Variants in NAALADL2 observed in about 807,000 individuals in gnomAD.
The protein encoded by NAALADL2 is N-acetylated alpha-linked acidic dipeptidase like 2, also known as inactive N-acetylated-alpha-linked acidic dipeptidase-like protein 2.
Under a neutral mutation model 87.2 loss-of-function variants are expected in NAALADL2, and 76 were observed. The observed-to-expected ratio is 0.87, with a 90% CI of 0.72 to 1.05. The LOEUF is 1.05. NAALADL2 is among the 50% of genes least tolerant of loss of function. The probability of loss-of-function intolerance (pLI) is 0.00; values close to 1 mark genes in which losing one functional copy is unlikely to be tolerated. For missense variants in NAALADL2, 1,089 were observed against 945.8 expected (o/e 1.15, Z -1.99); for synonymous variants, 354 against 331.0 (o/e 1.07, Z -0.75).
At chr3:174,716,316 C>T (rs1382274249) in intron 2 of NAALADL2, among the ~76,000 whole-genome samples, 1 of 149,160 alleles carries the variant, frequency 6.7e-6, no homozygotes, top group Admixed American at 6.7e-5. Context: ...ACTGTCACAT[C>T]TAGTACTCAT....
At chr3:175,105,824 C>G (rs1466864096) in intron 2 of NAALADL2, among the ~76,000 whole-genome samples, 1 of 151,812 alleles carries the variant, frequency 6.6e-6, no homozygotes, top group Non-Finnish European at 1.5e-5. Flanking sequence ...GCTAGTCACT[C>G]TATAGTTTTT....
intron 13 of NAALADL2, among the ~76,000 whole-genome samples, chr3:175,787,524 A>G (rs930404075): frequency 6.6e-6 from 1 of 152,160 alleles, no homozygotes; most frequent in Admixed American, 6.5e-5. Flanking sequence ...GAACTCCCTG[A>G]CCCCTTGCGC....
At chr3:175,079,115 T>G (rs1717225543) in intron 1 of NAALADL2, among the ~76,000 whole-genome samples, 1 of 152,254 alleles carries the variant, frequency 6.6e-6, no homozygotes, top group Non-Finnish European at 1.5e-5. Flanking sequence ...TTTTGGTTAT[T>G]ACTACCTTAG....
intron 13 of NAALADL2, among the ~76,000 whole-genome samples, chr3:175,761,177 T>A (rs1747958791): frequency 6.6e-6 from 1 of 152,148 alleles, no homozygotes; most frequent in Non-Finnish European, 1.5e-5. Flanking sequence ...TATAGAATAG[T>A]TTTACTGCCC....
Position 174,741,462 on chromosome 3 carries a change from G to T in NAALADL2, c.-9+3716G>T, listed in dbSNP as rs1252216388. Among the ~76,000 whole-genome samples the T allele has an allele frequency of 3.3e-5, 5 of 151,532 alleles. No homozygotes were observed. In the East Asian group the frequency reaches 9.7e-4, roughly 29 times the overall value. ...TATTTAAATGTAATATACTATTTCA[G>T]GTAGAAATGGTAATTTTTGTATTAT... On this transcript the variant is annotated intron_variant, in intron 3 of 3. Coordinates refer to the NAALADL2 transcript ENST00000434257.
At chr3:175,740,851 C>T (rs1237541852) in intron 12 of NAALADL2, among the ~76,000 whole-genome samples, 1 of 152,138 alleles carries the variant, frequency 6.6e-6, no homozygotes, top group Admixed American at 6.5e-5. Context: ...TGCGGACTCG[C>T]CCTTAATTTT....
intron 3 of NAALADL2, among the ~76,000 whole-genome samples, chr3:174,853,105 CCTGTAATCCCAG>C (rs1268074600): frequency 1.3e-5 from 2 of 149,086 alleles, no homozygotes; most frequent in Non-Finnish European, 1.5e-5. Flanking sequence ...GTGGCTCAAG[CCTGTAATCCCAG>C]CACTGTGGGA....
At chr3:174,542,366 A>G (rs1515584) in intron 1 of NAALADL2, among the ~76,000 whole-genome samples, 151,435 of 152,258 alleles carry the variant, frequency 0.99, 75,308 homozygotes, top group Middle Eastern at 1. Context: ...ATGGGCATGG[A>G]CTCTGCTTAG....
intron 2 of NAALADL2, among the ~76,000 whole-genome samples, chr3:174,625,057 C>CTCTCTCTT (rs748895219): frequency 5.1e-5 from 4 of 78,858 alleles, no homozygotes; most frequent in African/African-American, 2.0e-4. Flanking sequence ...CTCTCTCTCT[C>CTCTCTCTT]TTTTTTTTTT....
intron 13 of NAALADL2, among the ~76,000 whole-genome samples, chr3:175,757,810 TGAG>T (rs1455995439): frequency 1.3e-5 from 2 of 152,020 alleles, no homozygotes; most frequent in African/African-American, 4.8e-5. Context: ...TAATAATTGC[TGAG>T]GAGAAAAATC....
At position 175,556,699 on chromosome 3, in the gene NAALADL2, AG is replaced by A. The variant is rs532408212; in HGVS notation, c.1654-19341del. ...GGGGAATAAAGTTATTTTTGAAAAA[AG>A]TCTCATTTCTCTGAAGTTTAAAAAC... On this transcript the variant is annotated intron_variant, in intron 9 of 13. Transcript: ENST00000454872. 4.9e-3 allele frequency among the ~76,000 whole-genome samples: 745 copies of A among 152,328 alleles called. 5 individuals are homozygous for A. Among genetic ancestry groups the A allele is most frequent in the Non-Finnish European group, 6.4e-3 (438 of 68,030 alleles).
intron 2 of NAALADL2, among the ~76,000 whole-genome samples, chr3:175,197,718 A>C (rs936573782): frequency 2.0e-4 from 31 of 152,084 alleles, no homozygotes; most frequent in African/African-American, 6.3e-4. Flanking sequence ...AGACCAAACT[A>C]TCTGACATCA....
At chr3:174,864,346 C>T (rs751780453) in intron 1 of NAALADL2, among the ~76,000 whole-genome samples, 22 of 151,970 alleles carry the variant, frequency 1.4e-4, no homozygotes, top group South Asian at 2.1e-4. Context: ...TTGAATAGAA[C>T]GTGAGATAAA....
At chr3:175,697,432 C>A (rs80233870) in intron 11 of NAALADL2, among the ~76,000 whole-genome samples, 8 of 147,752 alleles carry the variant, frequency 5.4e-5, no homozygotes, top group African/African-American at 1.5e-4. Context: ...CACACACACA[C>A]AAAACCCTAC....
intron 1 of NAALADL2, among the ~76,000 whole-genome samples, chr3:175,077,986 T>G (rs1210869807): frequency 2.0e-5 from 3 of 151,906 alleles, no homozygotes; most frequent in Non-Finnish European, 4.4e-5. Context: ...ATGAGAATAA[T>G]GATCAAATGA....
chr3:174,845,181 A>G (rs1468665761), intron 3 of NAALADL2, among the ~76,000 whole-genome samples: 1 of 152,210 alleles, frequency 6.6e-6, no homozygotes, highest in Non-Finnish European at 1.5e-5. Context: ...GGGCTGACTG[A>G]ATGGCTGTGC....
At chr3:175,654,000 T>C (rs75594984) in intron 11 of NAALADL2, among the ~76,000 whole-genome samples, 5,321 of 152,218 alleles carry the variant, frequency 0.035, 314 homozygotes, top group African/African-American at 0.12. Context: ...AAAGCATTGA[T>C]GAAACCAATT....
intron 3 of NAALADL2, among the ~76,000 whole-genome samples, chr3:174,805,306 A>C (rs1719331387): frequency 6.6e-6 from 1 of 152,126 alleles, no homozygotes; most frequent in Admixed American, 6.5e-5. Context: ...CTCTACTCTT[A>C]GATAGTGGCG....
chr3:174,857,343 T>C (rs1195112687), upstream of NAALADL2, among the ~76,000 whole-genome samples: 1 of 152,178 alleles, frequency 6.6e-6, no homozygotes, highest in African/African-American at 2.4e-5. Flanking sequence ...TGTTACTTTC[T>C]GTGAACTTAC....
Sources: allele counts gnomAD v4.1 joint callset (sites outside exome capture counted in the v4.1 genomes callset), GRCh38; gene constraint gnomAD v4.1.1; transcripts MANE v1.5; gene names NCBI Gene and HGNC (gene_info 2026-07-23, HGNC 2026-07-21).